Variants in PTPN14 observed in about 807,000 individuals in gnomAD.
The protein encoded by PTPN14 is protein tyrosine phosphatase non-receptor type 14.
In PTPN14, 53 loss-of-function variants were observed where a neutral mutation model predicts 126.8. The ratio of observed to expected loss-of-function variants is 0.42; its 90% CI spans 0.34 to 0.53. The LOEUF is 0.53. PTPN14 is among the 20% of genes least tolerant of loss of function. The pLI, the probability that PTPN14 is intolerant of heterozygous loss-of-function variation, is 0.08. For synonymous variants in PTPN14, 630 were observed against 599.3 expected (o/e 1.05, Z -0.75); for missense variants, 1,257 against 1,552.9 (o/e 0.81, Z 3.20).
At chr1:214,501,832 G>A (rs543186099) in intron 1 of PTPN14, among the ~76,000 whole-genome samples, 29 of 152,160 alleles carry the variant, frequency 1.9e-4, no homozygotes, top group African/African-American at 4.1e-4. Flanking sequence ...GGCCAAGGCC[G>A]GCGGATCACA....
Position 214,425,419 on chromosome 1 carries a change from CTG to C in PTPN14, c.345-10695_345-10694del, listed in dbSNP as rs149834304. ...AAATTGGAATAACTCATTCCGCCCT[CTG>C]TGTTCCCATTGATTTTGTAACTCTA... On this transcript the variant is annotated intron_variant, in intron 3 of 18. Transcript: ENST00000366956. Among the ~76,000 whole-genome samples, 513 of 152,332 alleles carry C rather than the reference CTG, an allele frequency of 3.4e-3. 5 individuals are homozygous for C. The highest frequency in any genetic ancestry group is 0.012 in the African/African-American group (483 of 41,580).
chr1:214,459,844 T>G (rs117647406), intron 2 of PTPN14, among the ~76,000 whole-genome samples: 3 of 152,216 alleles, frequency 2.0e-5, no homozygotes, highest in African/African-American at 7.2e-5. Context: ...ATGCTCCTCC[T>G]TGGAGTCCTC....
chr1:214,456,297 T>C (rs6667098), intron 2 of PTPN14, among the ~76,000 whole-genome samples: 85,424 of 151,864 alleles, frequency 0.56, 25,809 homozygotes, highest in African/African-American at 0.8. Context: ...AATTAAGAAA[T>C]GGTGTGCTTC....
intron 10 of PTPN14, among the ~76,000 whole-genome samples, chr1:214,393,248 A>G (rs1658798552): frequency 6.6e-6 from 1 of 152,208 alleles, no homozygotes; most frequent in Non-Finnish European, 1.5e-5. Context: ...ACCCAGGAGC[A>G]CACGCAGGGT....
intron 3 of PTPN14, among the ~76,000 whole-genome samples, chr1:214,427,832 G>A (rs1280701417): frequency 6.6e-6 from 1 of 152,182 alleles, no homozygotes; most frequent in African/African-American, 2.4e-5. Flanking sequence ...GGGGATGGAG[G>A]TTTTCACTTC....
At chr1:214,468,840 C>G in intron 1 of PTPN14, among the ~76,000 whole-genome samples, 1 of 152,168 alleles carries the variant, frequency 6.6e-6, no homozygotes, top group East Asian at 1.9e-4. Flanking sequence ...TTCTCTGATC[C>G]TTAATATCAC....
chr1:214,471,197 G>T (rs1439769455), intron 1 of PTPN14, among the ~76,000 whole-genome samples: 1 of 151,722 alleles, frequency 6.6e-6, no homozygotes, highest in East Asian at 1.9e-4. Context: ...CAACTTCTAG[G>T]GTCTTTGTCT....
intron 2 of PTPN14, among the ~76,000 whole-genome samples, chr1:214,457,010 T>C (rs1299797396): frequency 6.6e-6 from 1 of 152,220 alleles, no homozygotes. Flanking sequence ...GCATGAGGTG[T>C]TGCATTTAAT....
rs563120842 is a variant in PTPN14 at position 214,355,265 on chromosome 1, G to A, written c.*2657C>T. 2 of 152,158 alleles carry A rather than the reference G, an allele frequency of 1.3e-5. No homozygotes were observed. The highest frequency in any genetic ancestry group is 6.5e-5 in the Admixed American group (1 of 15,278). The allele number at this position is 152,158 out of a possible 1,614,324, so 9.4% of individuals were successfully genotyped here. ...TTCAGGGAAGCCCATGAGCTCTGAC[G>A]ACCTCAAAGACGCACCAGATCTATA... On this transcript the variant is annotated 3_prime_UTR_variant, in exon 19 of 19. Coordinates refer to ENST00000366956, the MANE Select transcript of PTPN14 (RefSeq NM_005401.5).
intron 3 of PTPN14, among the ~76,000 whole-genome samples, chr1:214,435,229 T>C (rs1571998426): frequency 6.6e-6 from 1 of 152,158 alleles, no homozygotes; most frequent in African/African-American, 2.4e-5. Context: ...TTCAGTCCGG[T>C]AGTGTGTCTG....
chr1:214,494,822 T>C (rs1661325234), intron 1 of PTPN14, among the ~76,000 whole-genome samples: 1 of 152,070 alleles, frequency 6.6e-6, no homozygotes, highest in Admixed American at 6.6e-5. Flanking sequence ...TCCTTGACAA[T>C]ATTCAAGGAA....
intron 3 of PTPN14, among the ~76,000 whole-genome samples, chr1:214,430,633 T>G (rs908965138): frequency 2.6e-5 from 4 of 152,232 alleles, no homozygotes; most frequent in African/African-American, 9.6e-5. Flanking sequence ...GTCTCCAGCC[T>G]GCTGGCCTGC....
intron 11 of PTPN14, among the ~76,000 whole-genome samples, chr1:214,387,674 C>CA (rs67415818): frequency 0.33 from 27,819 of 85,020 alleles, 3,764 homozygotes; most frequent in East Asian, 0.54. Flanking sequence ...AAGACTCCGT[C>CA]AAAAAAAAAA....
intron 1 of PTPN14, among the ~76,000 whole-genome samples, chr1:214,472,771 C>T (rs761753861): frequency 7.2e-5 from 11 of 152,174 alleles, no homozygotes; most frequent in Non-Finnish European, 1.6e-4. Flanking sequence ...TCCAAAAGAA[C>T]ATTCCCACCA....
At chr1:214,535,635 C>T (rs1479819520) in intron 1 of PTPN14, among the ~76,000 whole-genome samples, 1 of 152,020 alleles carries the variant, frequency 6.6e-6, no homozygotes, top group Non-Finnish European at 1.5e-5. Flanking sequence ...AAAAATTAGC[C>T]GGGCCTGGTG....
rs3013446 is a variant in PTPN14 at position 214,384,885 on chromosome 1, A to G, written c.1067-97T>C. On this transcript the variant is annotated intron_variant, in intron 12 of 18. Transcript: ENST00000366956. The surrounding 1 kb of genome is among the most constrained non-coding windows in gnomAD (Gnocchi z 5.3). ...ATGAGGTGACTTTTAATTTAAACAA[A>G]TCATAAAAAGTGAAATCCCATGGTC... 0.8 allele frequency: 1,136,913 copies of G among 1,419,840 alleles called. 458,077 individuals are homozygous for G. Among genetic ancestry groups the G allele is most frequent in the African/African-American group, 0.96 (67,302 of 69,892 alleles). 88.0% of individuals were successfully genotyped at this position (1,419,840 alleles called of 1,614,324 possible).
chr1:214,391,701 C>T (rs1409439173), intron 10 of PTPN14, among the ~76,000 whole-genome samples: 1 of 73,066 alleles, frequency 1.4e-5, no homozygotes, highest in African/African-American at 6.9e-5. Flanking sequence ...CTCAGTGTTA[C>T]CATAAAAAAA....
intron 1 of PTPN14, among the ~76,000 whole-genome samples, chr1:214,534,761 C>T (rs940834871): frequency 2.8e-5 from 3 of 108,402 alleles, no homozygotes; most frequent in Non-Finnish European, 5.5e-5. Context: ...TTATTGATCC[C>T]GAATCTTTGC....
chr1:214,457,103 A>T (rs1372503766), intron 2 of PTPN14, among the ~76,000 whole-genome samples: 3 of 152,208 alleles, frequency 2.0e-5, no homozygotes, highest in African/African-American at 7.2e-5. Context: ...TCTTCATGTA[A>T]GTTAACTTTT....
Sources: gnomAD v4.1 joint callset for allele counts (sites outside exome capture counted in the v4.1 genomes callset) on GRCh38, gnomAD v4.1.1 for gene constraint, Gnocchi (gnomAD v3.1) non-coding constraint, MANE v1.5 for transcripts, NCBI Gene and HGNC (gene_info 2026-07-23, HGNC 2026-07-21) for gene names.